The following CSTF3 variants were observed in gnomAD, a reference collection of about 807,000 sequenced individuals.
CSTF3 encodes cleavage stimulation factor subunit 3.
Under a neutral mutation model 105.8 loss-of-function variants are expected in CSTF3, and 29 were observed. The ratio of observed to expected loss-of-function variants is 0.27; its 90% CI spans 0.20 to 0.37. The LOEUF (loss-of-function observed/expected upper bound fraction) is 0.37. Ranked by LOEUF, CSTF3 falls within the 10% of genes least tolerant of loss-of-function variation. CSTF3 has a pLI of 1.00. For synonymous variants in CSTF3, 252 were observed against 281.9 expected (o/e 0.89, Z 1.06); for missense variants, 357 against 879.3 (o/e 0.41, Z 7.51).
At position 33,155,543 on chromosome 11, in the gene CSTF3, C is replaced by T. The variant is rs187261553; in HGVS notation, c.27+5756G>A. Among the ~76,000 whole-genome samples, 1,362 of 152,202 alleles carry T rather than the reference C, an allele frequency of 8.9e-3. 4 individuals are homozygous for T. Among genetic ancestry groups the T allele is most frequent in the Non-Finnish European group, 0.013 (881 of 68,008 alleles). On this transcript the variant is annotated intron_variant, in intron 1 of 20. Transcript: ENST00000323959. Reference sequence around the variant, plus strand: ...GTTTGGAACTTAAAAGATGAGACTTCTTTCAAATATGAATAATCCAGATTT... The same window carrying T: ...GTTTGGAACTTAAAAGATGAGACTTTTTTCAAATATGAATAATCCAGATTT...
chr11:33,136,049 A>G (rs1463253721), intron 3 of CSTF3: 1 of 152,556 alleles, frequency 6.6e-6, no homozygotes, highest in African/African-American at 2.4e-5. Flanking sequence ...CTATTGCTTA[A>G]TTAACACTTG....
intron 20 of CSTF3, 57 bp from the exon 21 acceptor site, chr11:33,085,346 T>C (rs944760894): frequency 2.8e-5 from 38 of 1,369,620 alleles, no homozygotes; most frequent in Non-Finnish European, 3.1e-5. Context: ...AGGGTATGTA[T>C]GTTCAACTGT....
chr11:33,135,139 T>C (rs1565015255), intron 3 of CSTF3, among the ~76,000 whole-genome samples: 1 of 152,168 alleles, frequency 6.6e-6, no homozygotes, highest in African/African-American at 2.4e-5. Flanking sequence ...AAAAAGTTTA[T>C]GCAACCAGAA....
rs201453491 is a variant in CSTF3, at chr11:33,135,755, CCTT to C, written c.225+5909_225+5911del. 9.0e-3 allele frequency among the ~76,000 whole-genome samples: 1,375 copies of C among 152,232 alleles called. 5 individuals carry two copies. The highest frequency in any genetic ancestry group is 0.013 in the Non-Finnish European group (888 of 67,964). ...GAAACCATCATCACAAAATAGCCAA[CCTT>C]CTTTTTTCTTCAAATCCAGTATGAA... On this transcript the variant is annotated intron_variant, in intron 3 of 20. Transcript: ENST00000323959.
Position 33,106,006 on chromosome 11 carries a change from A to T in CSTF3, c.415T>A (p.Ser139Thr), listed in dbSNP as rs1285231074. The T allele has an allele frequency of 6.2e-7, 1 of 1,610,198 alleles. No individual in the cohort carries two copies. The highest frequency in any genetic ancestry group is 2.2e-5 in the East Asian group (1 of 44,788). Reference protein sequence around the residue: ...ALDKIGMEIMSYQIWVDYINF... With the variant: ...ALDKIGMEIMTYQIWVDYINF... ...AAAAGTTTTAACTCTACCTGATAGG[A>T]CATAATTTCCATTCCAATTTTATCC... is the stretch of plus-strand genomic sequence containing the variant. The change falls in exon 6 of 21, where the codon TCC (serine) becomes ACC (threonine). Residue 139 changes from serine (S) to threonine (T), a missense_variant. This residue lies in a region of CSTF3 where 78 missense variants were observed against 180.4 expected (regional missense o/e 0.43). Coordinates refer to ENST00000323959, the MANE Select transcript of CSTF3 (RefSeq NM_001326.3).
At position 33,099,372 on chromosome 11, in the gene CSTF3, A is replaced by G. The variant is rs1296891499; in HGVS notation, c.937-222T>C. ...ACTCCTTTCATTATTTTAACTTACA[A>G]AATAACCATGCAAGTACTCTAAATG... is the stretch of plus-strand genomic sequence containing the variant. On this transcript the variant is annotated intron_variant, in intron 11 of 20. Coordinates refer to ENST00000323959, the MANE Select transcript of CSTF3 (RefSeq NM_001326.3). This position sits in a 1 kb window ranked among gnomAD's most constrained non-coding sequence, Gnocchi z 4.1. 6.6e-6 allele frequency among the ~76,000 whole-genome samples: 1 copy of G among 152,244 alleles called. No individual in the cohort carries two copies. Among genetic ancestry groups the G allele is most frequent in the Non-Finnish European group, 1.5e-5 (1 of 68,040 alleles).
intron 3 of CSTF3, among the ~76,000 whole-genome samples, chr11:33,135,630 C>A (rs536446881): frequency 5.9e-5 from 9 of 152,130 alleles, no homozygotes; most frequent in Admixed American, 3.3e-4. Flanking sequence ...ACTAATTCAT[C>A]TTCCAGCTCT....
At chr11:33,147,450 C>T (rs953574279) in intron 1 of CSTF3, among the ~76,000 whole-genome samples, 2 of 151,890 alleles carry the variant, frequency 1.3e-5, no homozygotes, top group East Asian at 3.9e-4. Context: ...CAAAAATTAG[C>T]CAGGCATGGT....
chr11:33,119,736 T>TGATACCCTATCAAAACTGCAA (rs1855467726), intron 3 of CSTF3, among the ~76,000 whole-genome samples: 1 of 151,806 alleles, frequency 6.6e-6, no homozygotes, highest in Admixed American at 6.6e-5. Context: ...TCTGCAACTG[T>TGATACCCTATCAAAACTGCAA]TTTTGATACC....
intron 15 of CSTF3, among the ~76,000 whole-genome samples, chr11:33,094,383 T>TC (rs1286508690): frequency 6.6e-6 from 1 of 152,146 alleles, no homozygotes; most frequent in Admixed American, 6.6e-5. Context: ...CACATTGGAT[T>TC]CCCCCACAAA....
chr11:33,123,642 T>C (rs752810320), intron 3 of CSTF3, among the ~76,000 whole-genome samples: 29 of 151,934 alleles, frequency 1.9e-4, no homozygotes, highest in Non-Finnish European at 3.4e-4. Flanking sequence ...AAAAGAAACA[T>C]AGAATATTAT....
chr11:33,149,435 T>C (rs1855829277), intron 1 of CSTF3, among the ~76,000 whole-genome samples: 1 of 152,228 alleles, frequency 6.6e-6, no homozygotes. Flanking sequence ...ATGAACCACT[T>C]GGGTAGCCAA....
intron 3 of CSTF3, among the ~76,000 whole-genome samples, chr11:33,115,698 TAAAGA>T (rs1273466706): frequency 1.3e-5 from 2 of 152,262 alleles, no homozygotes; most frequent in South Asian, 2.1e-4. Context: ...AGCCACTACC[TAAAGA>T]ATAGTTTTCT....
intron 1 of CSTF3, among the ~76,000 whole-genome samples, chr11:33,158,448 C>G (rs2133812250): frequency 6.6e-6 from 1 of 152,284 alleles, no homozygotes; most frequent in South Asian, 2.1e-4. Context: ...CACAGACCAA[C>G]AGAATTGTGG....
chr11:33,130,388 G>A (rs529785572), intron 3 of CSTF3, among the ~76,000 whole-genome samples: 5 of 152,156 alleles, frequency 3.3e-5, no homozygotes, highest in African/African-American at 4.8e-5. Context: ...CAGGAGAATC[G>A]CTTGAATGCA....
chr11:33,148,997 G>A (rs1265422275), intron 1 of CSTF3, among the ~76,000 whole-genome samples: 2 of 151,634 alleles, frequency 1.3e-5, no homozygotes, highest in African/African-American at 4.8e-5. Context: ...TTGCTCCAGA[G>A]GTTTTTTATA....
intron 3 of CSTF3, among the ~76,000 whole-genome samples, chr11:33,124,206 A>G (rs1855521810): frequency 6.6e-6 from 1 of 152,084 alleles, no homozygotes; most frequent in African/African-American, 2.4e-5. Flanking sequence ...AAAACTATCA[A>G]CCTTAACACA....
At chr11:33,141,835 T>C (rs1359155663) in intron 2 of CSTF3, 50 bp downstream of exon 2, 5 of 1,572,404 alleles carry the variant, frequency 3.2e-6, no homozygotes, top group Non-Finnish European at 3.4e-6. Flanking sequence ...CAGAACCAAG[T>C]AGTGTGATTG....
chr11:33,100,858 GA>G (rs1855274280), intron 10 of CSTF3, among the ~76,000 whole-genome samples: 1 of 152,156 alleles, frequency 6.6e-6, no homozygotes, highest in Non-Finnish European at 1.5e-5. Context: ...CTGCAAGTAA[GA>G]TAGCAAGGCA....
Sources: gnomAD v4.1 joint callset for allele counts (sites outside exome capture counted in the v4.1 genomes callset) on GRCh38, gnomAD v4.1.1 for gene constraint, gnomAD v4.1.1 regional missense constraint, Gnocchi (gnomAD v3.1) non-coding constraint, MANE v1.5 for transcripts, NCBI Gene and HGNC (gene_info 2026-07-23, HGNC 2026-07-21) for gene names.